The following EWSR1 variants were observed in gnomAD, a reference collection of about 807,000 sequenced individuals.
The protein encoded by EWSR1 is RNA-binding protein EWS.
Under a neutral mutation model 92.1 loss-of-function variants are expected in EWSR1, and 14 were observed. The observed-to-expected ratio is 0.15, with a 90% CI of 0.10 to 0.24. EWSR1 has a LOEUF of 0.24. Among genes scored for constraint, EWSR1 ranks in the 10% least tolerant of loss-of-function variants. EWSR1 has a pLI of 1.00. For synonymous variants in EWSR1, 303 were observed against 292.9 expected (o/e 1.03, Z -0.35); for missense variants, 637 against 870.9 (o/e 0.73, Z 3.38).
In EWSR1 at chr22:29,287,151, G is replaced by C; in HGVS notation, c.793+17G>C. 1.2e-6 allele frequency: 2 copies of C among 1,611,234 alleles called. No homozygotes were observed. On this transcript the variant is annotated intron_variant, in intron 7 of 16. Coordinates refer to ENST00000397938, the MANE Select transcript of EWSR1 (RefSeq NM_005243.4). ...GGCAGCAGAGTGAGTTGCTAAGAGA[G>C]AAAACCAAATAAGAATGAATGTGTT... is the stretch of plus-strand genomic sequence containing the variant.
In EWSR1 at chr22:29,290,871, T is replaced by C. The variant is rs1569101692; in HGVS notation, c.975-691T>C. On this transcript the variant is annotated intron_variant, in intron 8 of 16. Coordinates refer to ENST00000397938, the MANE Select transcript of EWSR1 (RefSeq NM_005243.4). ...TCTAACCCAAAAAGTCCAATTCATATTTCCCTCTCCCCTCTTTAAGTAATT... is the reference window on the plus strand; with the variant it reads ...TCTAACCCAAAAAGTCCAATTCATACTTCCCTCTCCCCTCTTTAAGTAATT... 1.5e-5 allele frequency: 4 copies of C among 259,244 alleles called. No individual in the cohort carries two copies. The East Asian group carries it at 1.8e-4, about 11-fold the overall frequency. The allele number at this position is 259,244 out of a possible 1,614,324, so 16.1% of individuals were successfully genotyped here.
intron 5 of EWSR1, among the ~76,000 whole-genome samples, chr22:29,281,644 G>C (rs746791006): frequency 2.3e-4 from 35 of 151,872 alleles, no homozygotes; most frequent in Non-Finnish European, 4.1e-4. Flanking sequence ...GCAGTGGCGC[G>C]ATCTCGGCTC....
At chr22:29,287,703 T>A (rs970460502) in intron 7 of EWSR1, among the ~76,000 whole-genome samples, 2 of 152,236 alleles carry the variant, frequency 1.3e-5, no homozygotes, top group Non-Finnish European at 2.9e-5. Context: ...AAAAAATGTT[T>A]TAGACTGCTA....
chr22:29,271,481 C>T (rs1320102850), intron 1 of EWSR1, among the ~76,000 whole-genome samples: 1 of 152,108 alleles, frequency 6.6e-6, no homozygotes. Flanking sequence ...AAGTTGAAAT[C>T]ATTTTGAGTT....
rs2059524502 is a variant in EWSR1 at position 29,280,861 on chromosome 22, TG to T, written c.414-1528del. Reference sequence around the variant, plus strand: ...GCTAATTTTGTGTGTGTGTGTGTGTTGTTTTTTTTTTTTTTTTTTTTTTTTT... The same window carrying T: ...GCTAATTTTGTGTGTGTGTGTGTGTTTTTTTTTTTTTTTTTTTTTTTTTTT... On this transcript the variant is annotated intron_variant, in intron 5 of 16. Coordinates refer to ENST00000397938, the MANE Select transcript of EWSR1 (RefSeq NM_005243.4). 1.3e-4 allele frequency among the ~76,000 whole-genome samples: 15 copies of T among 111,314 alleles called. 1 individual carries two copies. Among genetic ancestry groups the T allele is most frequent in the African/African-American group, 5.6e-4 (15 of 26,738 alleles). The allele number at this position is 111,314 out of a possible 152,430, so 73.0% of individuals were successfully genotyped here.
At chr22:29,279,268 G>A (rs2059377181) in intron 5 of EWSR1, among the ~76,000 whole-genome samples, 1 of 152,134 alleles carries the variant, frequency 6.6e-6, no homozygotes, top group Non-Finnish European at 1.5e-5. Flanking sequence ...CAAAAACATG[G>A]TAGTTCACAC....
intron 1 of EWSR1, among the ~76,000 whole-genome samples, chr22:29,270,268 AT>A (rs2058565401): frequency 6.6e-6 from 1 of 152,226 alleles, no homozygotes; most frequent in African/African-American, 2.4e-5. Context: ...TAAAGCATAT[AT>A]ATCCAGTGCA....
chr22:29,291,484 C>G (rs2060435920), intron 8 of EWSR1, 78 bp from the exon 9 acceptor site: 2 of 1,426,060 alleles, frequency 1.4e-6, no homozygotes, highest in Non-Finnish European at 9.7e-7. Flanking sequence ...GCCCTTCTTC[C>G]CCACGAGCCC....
chr22:29,281,268 G>A (rs1373015161), intron 5 of EWSR1, among the ~76,000 whole-genome samples: 1 of 152,066 alleles, frequency 6.6e-6, no homozygotes, highest in East Asian at 1.9e-4. Context: ...ACCTGCCTTG[G>A]CCTCCCAAAG....
chr22:29,296,424 G>A, intron 12 of EWSR1, 56 bp downstream of exon 12: 1 of 1,597,836 alleles, frequency 6.3e-7, no homozygotes, highest in South Asian at 1.1e-5. Flanking sequence ...ATGGCATGAG[G>A]GAGAAACTTG....
In EWSR1 at chr22:29,272,233, C is replaced by G; in HGVS notation, c.31C>G (p.Gln11Glu). 1 of 1,614,068 alleles carries G rather than the reference C, an allele frequency of 6.2e-7. No individual in the cohort carries two copies. The highest frequency in any genetic ancestry group is 1.1e-5 in the South Asian group (1 of 91,076). Residue 11 changes from glutamine to glutamate, a missense_variant, in exon 2 of 17, where the codon CAA becomes GAA. Around this residue, in one of 5 missense-constraint regions of EWSR1, gnomAD observed 144 missense variants for 189.0 expected, o/e 0.76. Transcript: ENST00000397938. Reference sequence around the variant, plus strand: ...TCCTCTAGATTACAGTACCTATAGCCAAGCTGCAGCGCAGCAGGGGTAAGT... The same window carrying G: ...TCCTCTAGATTACAGTACCTATAGCGAAGCTGCAGCGCAGCAGGGGTAAGT... MASTDYSTYSQAAAQQGYSAY... is the reference protein window; with the variant it reads MASTDYSTYSEAAAQQGYSAY...
At chr22:29,297,293 C>T (rs1219056693) in intron 12 of EWSR1, among the ~76,000 whole-genome samples, 1 of 152,194 alleles carries the variant, frequency 6.6e-6, no homozygotes, top group Non-Finnish European at 1.5e-5. Context: ...TGCTGGACTA[C>T]AGGCGCATGT....
rs762726444 is a variant in EWSR1 at position 29,273,858 on chromosome 22, C to T, written c.220C>T (p.Pro74Ser). Residue 74 changes from proline to serine, a missense_variant, in exon 4 of 17, where the codon CCC (proline) becomes TCC (serine). By Grantham distance (74) the Pro-to-Ser change is moderately conservative. Around this residue, in one of 5 missense-constraint regions of EWSR1, gnomAD observed 144 missense variants for 189.0 expected, o/e 0.76. Coordinates refer to ENST00000397938, the MANE Select transcript of EWSR1 (RefSeq NM_005243.4). ...CTATGCAACTTCTTATGGACAGCCT[C>T]CCACTGGTAAGGCCTGCCTTGGAGA... Reference protein sequence around the residue: ...TAYATSYGQPPTGYTTPTAPQ... With the variant: ...TAYATSYGQPSTGYTTPTAPQ... 1.2e-6 allele frequency: 2 copies of T among 1,613,954 alleles called. No homozygotes were observed. Among genetic ancestry groups the T allele is most frequent in the Non-Finnish European group, 1.7e-6 (2 of 1,179,906 alleles).
chr22:29,292,656 C>A, intron 11 of EWSR1, 50 bp downstream of exon 11: 1 of 1,204,492 alleles, frequency 8.3e-7, no homozygotes, highest in Non-Finnish European at 1.2e-6. Flanking sequence ...AACCACAGAG[C>A]ATTTTAAAGA....
At chr22:29,272,175 C>T in intron 1 of EWSR1, 41 bp from the exon 2 acceptor site, 2 of 1,590,164 alleles carry the variant, frequency 1.3e-6, no homozygotes, top group Non-Finnish European at 1.7e-6. Context: ...CTCCTTGTTT[C>T]TGCTAACTTT....
At chr22:29,295,271 T>A (rs1278091315) in intron 11 of EWSR1, among the ~76,000 whole-genome samples, 4 of 152,110 alleles carry the variant, frequency 2.6e-5, no homozygotes, top group Non-Finnish European at 5.9e-5. Flanking sequence ...GTGGAGTTTA[T>A]CCTGGTTAAG....
Position 29,268,281 on chromosome 22 carries a change from T to C in EWSR1, c.-56T>C. 2 of 1,602,886 alleles carry C rather than the reference T, an allele frequency of 1.2e-6. No homozygotes were observed. The highest frequency in any genetic ancestry group is 8.5e-7 in the Non-Finnish European group (1 of 1,170,068). ...ATTTGCGCCTGCGCAGTGCGGCGCCTAGAGGGAAAGCGAGAGGGAGACGGA... is the reference window on the plus strand; with the variant it reads ...ATTTGCGCCTGCGCAGTGCGGCGCCCAGAGGGAAAGCGAGAGGGAGACGGA... On this transcript the variant is annotated 5_prime_UTR_variant, in exon 1 of 17. Transcript: ENST00000397938.
chr22:29,292,299 A>T (rs2060497131), intron 10 of EWSR1, 130 bp downstream of exon 10: 2 of 1,109,472 alleles, frequency 1.8e-6, no homozygotes, highest in South Asian at 2.6e-5. Context: ...CAGTTTGGGA[A>T]ATCCTATGTG....
At chr22:29,286,858 G>C (rs1218893343) in intron 6 of EWSR1, 65 bp from the exon 7 acceptor site, 1 of 1,256,216 alleles carries the variant, frequency 8.0e-7, no homozygotes, top group Non-Finnish European at 1.1e-6. Context: ...TTTTATTCAG[G>C]GGATTTGAAA....
Sources: gnomAD v4.1 joint callset for allele counts (sites outside exome capture counted in the v4.1 genomes callset) on GRCh38, gnomAD v4.1.1 for gene constraint, gnomAD v4.1.1 regional missense constraint, MANE v1.5 for transcripts, NCBI Gene and HGNC (gene_info 2026-07-23, HGNC 2026-07-21) for gene names.